MDGA2: variants seen among roughly 807,000 people sequenced by gnomAD.
MDGA2 encodes MAM domain containing glycosylphosphatidylinositol anchor 2.
In MDGA2, 40 loss-of-function variants were observed where a neutral mutation model predicts 117.8. The observed-to-expected ratio is 0.34, with a 90% CI of 0.26 to 0.44. MDGA2 has a LOEUF of 0.44. MDGA2 is among the 20% of genes least tolerant of loss of function. MDGA2 has a pLI of 1.00. For missense variants in MDGA2, 1,123 were observed against 1,250.6 expected (o/e 0.90, Z 1.54); for synonymous variants, 452 against 439.0 (o/e 1.03, Z -0.37).
chr14:47,137,458 C>T (rs1410491503), intron 4 of MDGA2, among the ~76,000 whole-genome samples: 3 of 152,054 alleles, frequency 2.0e-5, no homozygotes, highest in Non-Finnish European at 2.9e-5. Flanking sequence ...TGAGTTCTAA[C>T]TCTGTTAATT....
intron 2 of MDGA2, among the ~76,000 whole-genome samples, chr14:47,290,868 G>A (rs1452731689): frequency 6.6e-6 from 1 of 151,924 alleles, no homozygotes; most frequent in Non-Finnish European, 1.5e-5. Flanking sequence ...CCATTCTACT[G>A]TGAATCTCTG....
intron 2 of MDGA2, 83 bp from the exon 3 acceptor site, chr14:47,218,278 T>C (rs1886173816): frequency 8.2e-6 from 10 of 1,225,716 alleles, no homozygotes; most frequent in African/African-American, 3.1e-5. Flanking sequence ...TTTGAAGAGT[T>C]TGCATTTAGA....
At chr14:47,043,625 T>C (rs1210662658) in intron 7 of MDGA2, among the ~76,000 whole-genome samples, 1 of 152,128 alleles carries the variant, frequency 6.6e-6, no homozygotes, top group Non-Finnish European at 1.5e-5. Flanking sequence ...TATTTCAATA[T>C]CTACAGTAGT....
In MDGA2 at chr14:47,037,470, C is replaced by T. The variant is rs1036496568; in HGVS notation, c.1526-2166G>A. On this transcript the variant is annotated intron_variant, in intron 7 of 16. Coordinates refer to ENST00000399232, the MANE Select transcript of MDGA2 (RefSeq NM_001113498.3). ...GTATCTGGAATTAATAACTTTTGAG[C>T]GTTAGCAATAGACTCCTCTCTTCCT... 6.6e-5 allele frequency among the ~76,000 whole-genome samples: 10 copies of T among 152,218 alleles called. No homozygotes were observed. The South Asian group carries it at 1.0e-3, about 16-fold the overall frequency.
intron 14 of MDGA2, among the ~76,000 whole-genome samples, chr14:46,859,472 T>A (rs1398175642): frequency 6.6e-6 from 1 of 152,150 alleles, no homozygotes; most frequent in Non-Finnish European, 1.5e-5. Context: ...TCCAATGACA[T>A]CAATTGTACA....
chr14:47,674,571 G>C lies in MDGA2; in HGVS notation c.226C>G (p.Leu76Val). The C allele has an allele frequency of 1.3e-6, 2 of 1,551,566 alleles. No individual in the cohort carries two copies. Among genetic ancestry groups the C allele is most frequent in the Middle Eastern group, 1.7e-4 (1 of 5,992 alleles). Residue 76 changes from leucine (L) to valine (V), a missense_variant, in exon 1 of 17, where the codon CTC (leucine) becomes GTC (valine). Leu to Val is a conservative substitution (Grantham distance 32). This residue lies in a region of MDGA2 where 233 missense variants were observed against 200.3 expected (regional missense o/e 1.16). Coordinates refer to ENST00000399232, the MANE Select transcript of MDGA2 (RefSeq NM_001113498.3). ...AGGAGGACTGTCAGCAGCCACACGA[G>C]ACCGTACAGTAAATCCATCTTCACG... ...VHVKMDLLYGLVWLLTVLLEG... is the reference protein window; with the variant it reads ...VHVKMDLLYGVVWLLTVLLEG...
chr14:47,243,635 C>G (rs1421289642), intron 2 of MDGA2, among the ~76,000 whole-genome samples: 1 of 151,466 alleles, frequency 6.6e-6, no homozygotes, highest in African/African-American at 2.4e-5. Flanking sequence ...CAGCTTCACT[C>G]CTGAGCCAGC....
intron 1 of MDGA2, among the ~76,000 whole-genome samples, chr14:47,305,573 G>C: frequency 6.6e-6 from 1 of 152,088 alleles, no homozygotes. Context: ...TGGAGAAATA[G>C]TACAAATAAA....
At chr14:47,172,373 G>C (rs557086683) in intron 3 of MDGA2, among the ~76,000 whole-genome samples, 1 of 152,024 alleles carries the variant, frequency 6.6e-6, no homozygotes, top group Non-Finnish European at 1.5e-5. Flanking sequence ...CCTGACCCCC[G>C]AGAAGCCTAA....
intron 1 of MDGA2, among the ~76,000 whole-genome samples, chr14:47,316,888 C>T (rs1322108513): frequency 6.6e-6 from 1 of 152,040 alleles, no homozygotes; most frequent in East Asian, 1.9e-4. Flanking sequence ...GATGAAGCCT[C>T]TATTTTAATT....
chr14:47,162,546 G>A (rs1482778648), intron 3 of MDGA2, among the ~76,000 whole-genome samples: 3 of 151,232 alleles, frequency 2.0e-5, no homozygotes, highest in African/African-American at 7.3e-5. Flanking sequence ...CTTTCTCCTC[G>A]GATTTCATAT....
chr14:47,543,428 T>C (rs1228510763), intron 1 of MDGA2, among the ~76,000 whole-genome samples: 2 of 152,158 alleles, frequency 1.3e-5, no homozygotes, highest in African/African-American at 4.8e-5. Flanking sequence ...TCTTAAGATG[T>C]ACAAGCAGAA....
chr14:47,200,701 C>T, intron 3 of MDGA2: 1 of 940,402 alleles, frequency 1.1e-6, no homozygotes, highest in Non-Finnish European at 1.7e-6. Context: ...TCTTGGCCTT[C>T]TCCTTCCTCT....
chr14:47,202,914 A>AT (rs1381485885), intron 3 of MDGA2, among the ~76,000 whole-genome samples: 1 of 150,438 alleles, frequency 6.6e-6, no homozygotes, highest in African/African-American at 2.4e-5. Flanking sequence ...GCTAAATGCA[A>AT]TGTTAAGGAA....
At chr14:47,408,862 T>C (rs1193037282) in intron 1 of MDGA2, among the ~76,000 whole-genome samples, 2 of 152,154 alleles carry the variant, frequency 1.3e-5, no homozygotes, top group Non-Finnish European at 2.9e-5. Context: ...ATTGAGACTC[T>C]TATCAAGAAG....
chr14:47,530,298 T>G (rs927931020), intron 1 of MDGA2, among the ~76,000 whole-genome samples: 2 of 152,178 alleles, frequency 1.3e-5, no homozygotes, highest in Non-Finnish European at 2.9e-5. Flanking sequence ...GAATTTCTGG[T>G]CTAACCAGTT....
At chr14:47,453,461 T>C (rs1280199505) in intron 1 of MDGA2, among the ~76,000 whole-genome samples, 3 of 152,122 alleles carry the variant, frequency 2.0e-5, no homozygotes, top group Non-Finnish European at 4.4e-5. Context: ...TGTTACTCAG[T>C]GAAAGATAAC....
At chr14:47,511,808 G>A (rs1894646943) in intron 1 of MDGA2, among the ~76,000 whole-genome samples, 1 of 152,186 alleles carries the variant, frequency 6.6e-6, no homozygotes, top group Non-Finnish European at 1.5e-5. Flanking sequence ...GTTCAGGCAG[G>A]AAGTCTATCT....
chr14:47,150,313 A>G (rs913255252), intron 3 of MDGA2, among the ~76,000 whole-genome samples: 3 of 152,190 alleles, frequency 2.0e-5, no homozygotes, highest in Non-Finnish European at 4.4e-5. Context: ...ATACTTTTAA[A>G]TAAGTCCTAA....
Sources: allele counts gnomAD v4.1 joint callset (sites outside exome capture counted in the v4.1 genomes callset), GRCh38; gene constraint gnomAD v4.1.1; regional missense constraint gnomAD v4.1.1; transcripts MANE v1.5; gene names NCBI Gene and HGNC (gene_info 2026-07-23, HGNC 2026-07-21).